ALDH9A1: variants seen among roughly 807,000 people sequenced by gnomAD.
ALDH9A1 encodes the protein aldehyde dehydrogenase 9 family member A1, also known as 4-trimethylaminobutyraldehyde dehydrogenase.
ALDH9A1 carries 42 observed loss-of-function variants against 56.6 expected under a neutral mutation model. The ratio of observed to expected loss-of-function variants is 0.74; its 90% CI spans 0.58 to 0.96. The LOEUF (loss-of-function observed/expected upper bound fraction) is 0.96, where lower values mean the gene tolerates loss of function less well. ALDH9A1 is among the 40% of genes least tolerant of loss of function. The pLI is 0.00. For synonymous variants in ALDH9A1, 242 were observed against 236.0 expected, an observed-to-expected ratio of 1.03 and a Z score of -0.23; for missense variants, 661 against 651.5, an observed-to-expected ratio of 1.01 and a Z score of -0.16.
At position 165,665,005 on chromosome 1, in the gene ALDH9A1, C is replaced by T. The variant is rs766149895; in HGVS notation, c.1462+13G>A. 6 of 1,608,774 alleles carry T rather than the reference C, an allele frequency of 3.7e-6. No homozygotes were observed. Among genetic ancestry groups the T allele is most frequent in the Non-Finnish European group, 4.3e-6 (5 of 1,175,386 alleles). ...AGAGACCTAGTTTGCATTCACACCTCCCAGCTCCTCACCTGACTTCTTATA... is the reference window on the plus strand; with the variant it reads ...AGAGACCTAGTTTGCATTCACACCTTCCAGCTCCTCACCTGACTTCTTATA... On this transcript the variant is annotated intron_variant, in intron 10 of 10. Coordinates refer to ENST00000354775, the MANE Select transcript of ALDH9A1 (RefSeq NM_000696.4).
chr1:165,677,242 G>A (rs1461492486), intron 6 of ALDH9A1, among the ~76,000 whole-genome samples: 1 of 152,114 alleles, frequency 6.6e-6, no homozygotes, highest in Non-Finnish European at 1.5e-5. Context: ...ATGTGGTGGT[G>A]TGCTACACTG....
At chr1:165,663,551 A>G (rs1159137175) in intron 10 of ALDH9A1, among the ~76,000 whole-genome samples, 1 of 152,246 alleles carries the variant, frequency 6.6e-6, no homozygotes, top group Non-Finnish European at 1.5e-5. Flanking sequence ...TTAAACACCT[A>G]TAAGAGCAAC....
chr1:165,667,051 A>G (rs1649030050), intron 9 of ALDH9A1, among the ~76,000 whole-genome samples: 1 of 152,262 alleles, frequency 6.6e-6, no homozygotes, highest in African/African-American at 2.4e-5. Flanking sequence ...CATCTAACCC[A>G]ATGCTTTACA....
At chr1:165,674,888 A>C (rs1303403556) in intron 6 of ALDH9A1, among the ~76,000 whole-genome samples, 1 of 151,828 alleles carries the variant, frequency 6.6e-6, no homozygotes, top group Non-Finnish European at 1.5e-5. Context: ...ACATATTTAA[A>C]ATCACACTGG....
rs111694814 is a variant in ALDH9A1, at chr1:165,666,572, A to C, written c.1349+737T>G. ...CTCCTCAATCTTTTCTTCGGAGCTCAAAGAGAAGCAATTACATCAGGTCCT... is the reference window on the plus strand; with the variant it reads ...CTCCTCAATCTTTTCTTCGGAGCTCCAAGAGAAGCAATTACATCAGGTCCT... On this transcript the variant is annotated intron_variant, in intron 9 of 10. Coordinates refer to ENST00000354775, the MANE Select transcript of ALDH9A1 (RefSeq NM_000696.4). Among the ~76,000 whole-genome samples, 357 of 152,302 alleles carry C rather than the reference A, an allele frequency of 2.3e-3. 5 individuals carry two copies. The highest frequency in any genetic ancestry group is 8.2e-3 in the African/African-American group (340 of 41,558).
chr1:165,686,466 A>AACTACCCAAGACTGGGAAAAGG (rs1649710936), intron 2 of ALDH9A1, among the ~76,000 whole-genome samples: 1 of 151,874 alleles, frequency 6.6e-6, no homozygotes, highest in Non-Finnish European at 1.5e-5. Context: ...AGTGTGAGAA[A>AACTACCCAAGACTGGGAAAAGG]ACTACCCAAG....
At chr1:165,670,715 C>T (rs190435237) in intron 6 of ALDH9A1, among the ~76,000 whole-genome samples, 1 of 152,210 alleles carries the variant, frequency 6.6e-6, no homozygotes, top group Admixed American at 6.5e-5. Flanking sequence ...CATAATATAA[C>T]ATACCAAAAA....
chr1:165,672,261 G>A (rs1458124126), intron 6 of ALDH9A1, among the ~76,000 whole-genome samples: 1 of 152,166 alleles, frequency 6.6e-6, no homozygotes, highest in Non-Finnish European at 1.5e-5. Context: ...TGGTATGTGT[G>A]TGCTGTGTGT....
Position 165,695,300 on chromosome 1 carries a change from A to G in ALDH9A1, c.279T>C (p.Ser93=). The G allele has an allele frequency of 6.2e-7, 1 of 1,613,334 alleles. No homozygotes were observed. Among genetic ancestry groups the G allele is most frequent in the Middle Eastern group, 1.7e-4 (1 of 6,058 alleles). ...AAAGGATTCGGCAACGCTCCATGCC[A>G]GATTTTTGACTCCATATTTTAAAAG... ...KAAFKIWSQK[S]GMERCRILLE... Residue 93 remains serine, a synonymous_variant, in exon 2 of 11, where the codon TCT becomes TCC. Coordinates refer to ENST00000354775, the MANE Select transcript of ALDH9A1 (RefSeq NM_000696.4).
rs1649391512 is a variant in ALDH9A1, at chr1:165,677,209, C to T, written c.930+2233G>A. On this transcript the variant is annotated intron_variant, in intron 6 of 10. Coordinates refer to ENST00000354775, the MANE Select transcript of ALDH9A1 (RefSeq NM_000696.4). ...CCAACACAGTGAAACCCCGTCTCTA[C>T]AAAAAATACAAAAATTAGCTGAATG... is the stretch of plus-strand genomic sequence containing the variant. Among the ~76,000 whole-genome samples, 5 of 152,000 alleles carry T rather than the reference C, an allele frequency of 3.3e-5. No homozygotes were observed. In the South Asian group the frequency reaches 1.0e-3, roughly 32 times the overall value.
intron 10 of ALDH9A1, 31 bp downstream of exon 10, chr1:165,664,987 T>G (rs998214292): frequency 4.5e-6 from 7 of 1,538,640 alleles, no homozygotes; most frequent in Non-Finnish European, 6.3e-6. Flanking sequence ...TCTAGAGACC[T>G]AGTTTGCATT....
At chr1:165,673,674 C>T (rs1259214538) in intron 6 of ALDH9A1, among the ~76,000 whole-genome samples, 1 of 152,162 alleles carries the variant, frequency 6.6e-6, no homozygotes, top group Non-Finnish European at 1.5e-5. Context: ...GACTGAGCTC[C>T]TCTCTATCCT....
At chr1:165,685,047 T>G (rs931350605) in intron 2 of ALDH9A1, among the ~76,000 whole-genome samples, 7 of 152,194 alleles carry the variant, frequency 4.6e-5, no homozygotes, top group South Asian at 2.1e-4. Flanking sequence ...ATATAGTACG[T>G]AAGGATCATC....
chr1:165,687,507 T>C (rs897551279), intron 2 of ALDH9A1, among the ~76,000 whole-genome samples: 7 of 151,886 alleles, frequency 4.6e-5, no homozygotes, highest in African/African-American at 1.5e-4. Context: ...CATACAAAGA[T>C]ACAAAAATAA....
intron 3 of ALDH9A1, 66 bp from the exon 4 acceptor site, chr1:165,682,307 T>TACC (rs1649577028): frequency 1.3e-6 from 2 of 1,556,422 alleles, no homozygotes; most frequent in Admixed American, 3.4e-5. Context: ...CCAACATCTG[T>TACC]ACCAGTCTGA....
At chr1:165,694,967 A>AT (rs1650020059) in intron 2 of ALDH9A1, among the ~76,000 whole-genome samples, 1 of 151,892 alleles carries the variant, frequency 6.6e-6, no homozygotes, top group Non-Finnish European at 1.5e-5. Flanking sequence ...AAAAAAAAAA[A>AT]AAATAAAAAT....
chr1:165,695,417 C>T lies in ALDH9A1; in HGVS notation c.182-20G>A. Reference sequence around the variant, plus strand: ...CTCGGCCTATAAAGAGCGGAAACATCAGTTTTAACTCAAATTGTTGCCACA... The same window carrying T: ...CTCGGCCTATAAAGAGCGGAAACATTAGTTTTAACTCAAATTGTTGCCACA... On this transcript the variant is annotated intron_variant, in intron 1 of 10. Transcript: ENST00000354775. The T allele has an allele frequency of 6.4e-7, 1 of 1,568,458 alleles. No homozygotes were observed.
At chr1:165,680,371 TC>T in intron 5 of ALDH9A1, 115 bp downstream of exon 5, 1 of 1,109,984 alleles carries the variant, frequency 9.0e-7, no homozygotes, top group Non-Finnish European at 1.3e-6. Context: ...TCCTTCCCAT[TC>T]CCAATTCAGG....
chr1:165,671,992 GA>G (rs1358330729), intron 6 of ALDH9A1, among the ~76,000 whole-genome samples: 1 of 152,186 alleles, frequency 6.6e-6, no homozygotes, highest in Non-Finnish European at 1.5e-5. Context: ...AGAGAAATTG[GA>G]AACTTTGTGC....
Sources: allele counts gnomAD v4.1 joint callset (sites outside exome capture counted in the v4.1 genomes callset), GRCh38; gene constraint gnomAD v4.1.1; transcripts MANE v1.5; gene names NCBI Gene and HGNC (gene_info 2026-07-23, HGNC 2026-07-21).